The following TTLL11 variants were observed in gnomAD, a reference collection of about 807,000 sequenced individuals.
TTLL11 encodes the protein tubulin polyglutamylase TTLL11.
TTLL11 carries 42 observed loss-of-function variants against 51.7 expected under a neutral mutation model. The observed-to-expected ratio is 0.81, with a 90% CI of 0.64 to 1.05. The LOEUF (loss-of-function observed/expected upper bound fraction) is 1.05, where lower values mean the gene tolerates loss of function less well. Ranked by LOEUF, TTLL11 falls within the 50% of genes least tolerant of loss-of-function variation. The pLI is 0.00. For missense variants in TTLL11, 799 were observed against 940.4 expected (o/e 0.85, Z 1.97); for synonymous variants, 381 against 383.5 (o/e 0.99, Z 0.08).
intron 1 of TTLL11, among the ~76,000 whole-genome samples, chr9:122,064,731 A>G (rs563938824): frequency 6.6e-6 from 1 of 152,330 alleles, no homozygotes; most frequent in East Asian, 1.9e-4. Context: ...CTTGGGAGGA[A>G]TCAAGGAATG....
At chr9:121,920,983 G>T (rs2131525262) in intron 6 of TTLL11, among the ~76,000 whole-genome samples, 1 of 152,282 alleles carries the variant, frequency 6.6e-6, no homozygotes, top group Non-Finnish European at 1.5e-5. Context: ...GAGTTATTTT[G>T]ACTTCTGCCA....
chr9:121,996,452 CACACACACACAG>C (rs2131710827), intron 3 of TTLL11, among the ~76,000 whole-genome samples: 1 of 151,886 alleles, frequency 6.6e-6, no homozygotes, highest in East Asian at 1.9e-4. Context: ...ATCATCACTA[CACACACACACAG>C]ACACACACAC....
chr9:121,826,461 A>ATG (rs200727765), intron 8 of TTLL11, among the ~76,000 whole-genome samples: 140 of 46,364 alleles, frequency 3.0e-3, no homozygotes, highest in East Asian at 0.015. Flanking sequence ...CCATATATAT[A>ATG]TGTGTGTATA....
At chr9:121,883,648 G>T (rs1292151715) in intron 6 of TTLL11, among the ~76,000 whole-genome samples, 1 of 152,128 alleles carries the variant, frequency 6.6e-6, no homozygotes, top group Non-Finnish European at 1.5e-5. Context: ...TAGAGTTGTT[G>T]TCAAAATCCA....
In TTLL11 at chr9:122,070,762, G is replaced by A. The variant is rs147835391; in HGVS notation, c.462+21925C>T. Among the ~76,000 whole-genome samples the A allele has an allele frequency of 4.7e-3, 718 of 152,246 alleles. 5 individuals are homozygous for A. Among genetic ancestry groups the A allele is most frequent in the African/African-American group, 0.016 (684 of 41,554 alleles). On this transcript the variant is annotated intron_variant, in intron 1 of 8. Transcript: ENST00000321582. ...AGGAAGAACCTACCAGCCTTCATCC[G>A]GCTGTGTGTGCAGCATCGTGCCAGG...
At chr9:121,859,356 C>T (rs1192615379) in intron 8 of TTLL11, among the ~76,000 whole-genome samples, 1 of 151,608 alleles carries the variant, frequency 6.6e-6, no homozygotes, top group Non-Finnish European at 1.5e-5. Context: ...ACAAAATTAG[C>T]CGGGCATGGT....
chr9:122,089,397 G>C (rs566367203), intron 1 of TTLL11, among the ~76,000 whole-genome samples: 71 of 152,282 alleles, frequency 4.7e-4, no homozygotes, highest in Non-Finnish European at 7.6e-4. Context: ...ATAACAGATG[G>C]GGAAAGGCAG....
chr9:122,083,312 C>T (rs1469093828), intron 1 of TTLL11, among the ~76,000 whole-genome samples: 1 of 152,126 alleles, frequency 6.6e-6, no homozygotes, highest in African/African-American at 2.4e-5. Context: ...TCTTTCCCTC[C>T]CTCAGTGACT....
At chr9:121,959,100 G>A (rs1271839880) in intron 6 of TTLL11, among the ~76,000 whole-genome samples, 1 of 152,310 alleles carries the variant, frequency 6.6e-6, no homozygotes, top group South Asian at 2.1e-4. Flanking sequence ...GGATGTTTCT[G>A]TGCCCAGCAA....
intron 8 of TTLL11, among the ~76,000 whole-genome samples, chr9:121,838,864 C>T (rs1206634000): frequency 1.3e-5 from 2 of 151,606 alleles, no homozygotes; most frequent in Admixed American, 6.5e-5. Context: ...ACTTTAAACT[C>T]TTCAACAACA....
At chr9:122,071,386 G>A (rs971661226) in intron 1 of TTLL11, among the ~76,000 whole-genome samples, 2 of 152,184 alleles carry the variant, frequency 1.3e-5, no homozygotes, top group Admixed American at 1.3e-4. Context: ...GGTGAAGAAA[G>A]CTTTCAGCTG....
intron 3 of TTLL11, among the ~76,000 whole-genome samples, chr9:122,006,132 G>A (rs1352390693): frequency 6.6e-6 from 1 of 152,158 alleles, no homozygotes; most frequent in Non-Finnish European, 1.5e-5. Flanking sequence ...TTGAGGTCAG[G>A]AGTTCGAGAC....
At chr9:122,040,033 T>A (rs753651251) in intron 1 of TTLL11, among the ~76,000 whole-genome samples, 1 of 152,154 alleles carries the variant, frequency 6.6e-6, no homozygotes, top group Non-Finnish European at 1.5e-5. Context: ...CAAGATGAGA[T>A]AACCAGATTC....
intron 8 of TTLL11, among the ~76,000 whole-genome samples, chr9:121,856,165 G>C (rs964547133): frequency 2.6e-5 from 4 of 152,226 alleles, no homozygotes; most frequent in African/African-American, 9.6e-5. Context: ...TTGAACTCTT[G>C]AGTGCAAGCA....
intron 1 of TTLL11, among the ~76,000 whole-genome samples, chr9:122,088,313 A>G (rs1194954782): frequency 6.6e-6 from 1 of 152,178 alleles, no homozygotes; most frequent in Admixed American, 6.5e-5. Flanking sequence ...CTCCCAGACC[A>G]AACTGTAACT....
Position 121,890,513 on chromosome 9 carries a change from G to C in TTLL11, c.1482-19765C>G, listed in dbSNP as rs7851152. On this transcript the variant is annotated intron_variant, in intron 6 of 8. Coordinates refer to ENST00000321582, the MANE Select transcript of TTLL11 (RefSeq NM_001139442.2). The surrounding 1 kb of genome is among the most constrained non-coding windows in gnomAD (Gnocchi z 4.3). The stretch of plus-strand genomic sequence containing the variant: ...CCCTTCTCAGGCAGGCCTCCCCCAA[G>C]CACTCTGCTTACAAGTGCAGCCCAC... Among the ~76,000 whole-genome samples, 120,475 of 152,076 alleles carry C rather than the reference G, an allele frequency of 0.79. 47,869 individuals are homozygous for C. Among genetic ancestry groups the C allele is most frequent in the East Asian group, 0.9 (4,672 of 5,170 alleles).
chr9:121,816,460 C>G lies in TTLL11; in HGVS notation c.*6127G>C, dbSNP rs1052710181. 3 of 152,260 alleles carry G rather than the reference C, an allele frequency of 2.0e-5. No homozygotes were observed. Among genetic ancestry groups the G allele is most frequent in the African/African-American group, 7.2e-5 (3 of 41,460 alleles). 9.4% of individuals were successfully genotyped at this position (152,260 alleles called of 1,614,324 possible). On this transcript the variant is annotated 3_prime_UTR_variant, in exon 9 of 9. Coordinates refer to ENST00000321582, the MANE Select transcript of TTLL11 (RefSeq NM_001139442.2). The stretch of plus-strand genomic sequence containing the variant: ...TCTCCACTCCGCTCTCTAAATAACA[C>G]TCGGAAGCCAATCACCAGAAATGAG...
At chr9:121,879,758 T>G (rs879812434) in intron 6 of TTLL11, among the ~76,000 whole-genome samples, 2,861 of 19,360 alleles carry the variant, frequency 0.15, 427 homozygotes, top group East Asian at 0.32. Context: ...CTTGAAGCCC[T>G]GAATCTAGAC....
chr9:121,878,858 A>C (rs1374453110), intron 6 of TTLL11, among the ~76,000 whole-genome samples: 3 of 152,130 alleles, frequency 2.0e-5, no homozygotes, highest in Admixed American at 2.0e-4. Flanking sequence ...TTTTGTACAC[A>C]TAGGCCAAGG....
Sources: gnomAD v4.1 joint callset for allele counts (sites outside exome capture counted in the v4.1 genomes callset) on GRCh38, gnomAD v4.1.1 for gene constraint, Gnocchi (gnomAD v3.1) non-coding constraint, MANE v1.5 for transcripts, NCBI Gene and HGNC (gene_info 2026-07-23, HGNC 2026-07-21) for gene names.